The following CHST6 variants were observed in gnomAD, a reference collection of about 807,000 sequenced individuals.
The protein encoded by CHST6 is carbohydrate sulfotransferase 6.
For synonymous variants in CHST6, 309 were observed against 276.4 expected (o/e 1.12, Z -1.17); for missense variants, 698 against 586.2 (o/e 1.19, Z -1.97).
At chr16:75,480,788 G>T (rs2080132234) in intron 2 of CHST6, among the ~76,000 whole-genome samples, 1 of 151,694 alleles carries the variant, frequency 6.6e-6, no homozygotes, top group Admixed American at 6.6e-5. Flanking sequence ...AATTAGCCGG[G>T]CGTGGTAGCG....
rs1384982763 is a variant in CHST6 at position 75,488,475 on chromosome 16, G to GA, written c.-92+6464dup. Among the ~76,000 whole-genome samples, 346 of 86,496 alleles carry GA rather than the reference G, an allele frequency of 4.0e-3. 1 individual carries two copies. The highest frequency in any genetic ancestry group is 0.011 in the Middle Eastern group (1 of 88). The allele number at this position is 86,496 out of a possible 152,430, so 56.7% of individuals were successfully genotyped here. ...CAAGAGCAAAGCCCCGTCACAAGGAGAAAAAAAAAAAAAAAAGAATCCCAA... is the reference window on the plus strand; with the variant it reads ...CAAGAGCAAAGCCCCGTCACAAGGAGAAAAAAAAAAAAAAAAAGAATCCCAA... On this transcript the variant is annotated intron_variant, in intron 1 of 2. Transcript: ENST00000332272.
Position 75,478,900 on chromosome 16 carries a change from G to A in CHST6, c.929C>T (p.Ser310Phe), listed in dbSNP as rs1311647359. The change falls in exon 3 of 3, where the codon TCT becomes TTT. Residue 310 changes from serine to phenylalanine, a missense_variant. Coordinates refer to ENST00000332272, the MANE Select transcript of CHST6 (RefSeq NM_021615.5). The part of the protein sequence containing the change: ...EAWIHNITHG[S>F]GPGARREAFK... ...GGCTTCGCGGCGCGCACCAGGTCCA[G>A]ATCCGTGGGTGATGTTATGGATCCA... The A allele has an allele frequency of 3.1e-6, 5 of 1,613,158 alleles. No homozygotes were observed. In the African/African-American group the frequency reaches 5.3e-5, roughly 17 times the overall value.
At chr16:75,490,534 C>A in intron 1 of CHST6, 1 of 151,924 alleles carries the variant, frequency 6.6e-6, no homozygotes, top group Non-Finnish European at 1.5e-5. Context: ...GCAAATTAAA[C>A]CACAGTGACA....
intron 1 of CHST6, among the ~76,000 whole-genome samples, chr16:75,484,909 T>C (rs2080179582): frequency 6.6e-6 from 1 of 152,086 alleles, no homozygotes; most frequent in Admixed American, 6.6e-5. Context: ...TCATGTTTCA[T>C]ATGTGAAGAC....
At chr16:75,484,860 A>G (rs1168614002) in intron 1 of CHST6, among the ~76,000 whole-genome samples, 2 of 152,038 alleles carry the variant, frequency 1.3e-5, no homozygotes, top group Non-Finnish European at 2.9e-5. Context: ...AAAACAAACA[A>G]ACAAAAAAAC....
At chr16:75,484,445 G>C (rs8047287) in intron 1 of CHST6, among the ~76,000 whole-genome samples, 4,076 of 152,318 alleles carry the variant, frequency 0.027, 191 homozygotes, top group African/African-American at 0.089. Flanking sequence ...CCTTTGTCCA[G>C]TGCCCTTTCC....
At chr16:75,486,588 G>T (rs1402893488) in intron 1 of CHST6, among the ~76,000 whole-genome samples, 2 of 152,166 alleles carry the variant, frequency 1.3e-5, no homozygotes, top group Non-Finnish European at 2.9e-5. Context: ...CTGGAGTTTT[G>T]TTGATCACAA....
chr16:75,491,221 A>AAAT (rs1567416198), intron 1 of CHST6, among the ~76,000 whole-genome samples: 94 of 134,200 alleles, frequency 7.0e-4, no homozygotes, highest in African/African-American at 2.6e-3. Context: ...ATATATATAA[A>AAAT]ATATAATATA....
At chr16:75,484,883 T>G (rs1435769602) in intron 1 of CHST6, among the ~76,000 whole-genome samples, 1 of 152,020 alleles carries the variant, frequency 6.6e-6, no homozygotes, top group Non-Finnish European at 1.5e-5. Context: ...AAGGTAAAGA[T>G]GAGGGCATTG....
intron 1 of CHST6, among the ~76,000 whole-genome samples, chr16:75,489,475 T>C (rs867446843): frequency 3.3e-5 from 5 of 150,024 alleles, no homozygotes; most frequent in Admixed American, 2.0e-4. Flanking sequence ...TGAGTCAGAG[T>C]TGGAAGTCTA....
chr16:75,487,623 C>A (rs1481382897), intron 1 of CHST6, among the ~76,000 whole-genome samples: 2 of 151,918 alleles, frequency 1.3e-5, no homozygotes, highest in Non-Finnish European at 1.5e-5. Context: ...CACAGTGAAA[C>A]CCTGTCTCTA....
Position 75,474,635 on chromosome 16 carries a change from A to G in CHST6, c.*4006T>C, listed in dbSNP as rs1412953731. On this transcript the variant is annotated 3_prime_UTR_variant, in exon 3 of 3. Transcript: ENST00000332272. ...TACAGTTCTGGAGGCTGGGAAGCCC[A>G]AGATCAAGGAGCCAGCATCTAGCGA... The G allele has an allele frequency of 1.5e-5, 6 of 398,880 alleles. No homozygotes were observed. The highest frequency in any genetic ancestry group is 1.0e-4 in the African/African-American group (5 of 48,640). 24.7% of individuals were successfully genotyped at this position (398,880 alleles called of 1,614,324 possible).
intron 1 of CHST6, among the ~76,000 whole-genome samples, chr16:75,494,216 G>C (rs1242137803): frequency 6.6e-6 from 1 of 152,152 alleles, no homozygotes; most frequent in Non-Finnish European, 1.5e-5. Flanking sequence ...GTGTGACTTA[G>C]AGCAAGTCAC....
rs1006015937 is a variant in CHST6, at chr16:75,493,063, C to T, written c.-92+1877G>A. ...CAATCTTGTTCATGTATTTCTGGAC[C>T]CATTTCCCCGCCCAAGACACTAGAA... On this transcript the variant is annotated intron_variant, in intron 1 of 2. Transcript: ENST00000332272. Among the ~76,000 whole-genome samples, 9 of 152,048 alleles carry T rather than the reference C, an allele frequency of 5.9e-5. No individual in the cohort carries two copies. In the South Asian group the frequency reaches 1.5e-3, roughly 25 times the overall value.
At chr16:75,481,757 G>A (rs777308766) in intron 2 of CHST6, 60 bp downstream of exon 2, 1 of 467,572 alleles carries the variant, frequency 2.1e-6, no homozygotes, top group Non-Finnish European at 4.3e-6. Flanking sequence ...AGCTGGGATG[G>A]AGCCAGAGAA....
chr16:75,479,994 T>A, intron 2 of CHST6, 150 bp from the exon 3 acceptor site: 1 of 689,312 alleles, frequency 1.5e-6, no homozygotes, highest in Non-Finnish European at 2.4e-6. Flanking sequence ...CCCGGAAATG[T>A]GGCCTTAAGA....
chr16:75,491,312 G>A (rs1025589904), intron 1 of CHST6, among the ~76,000 whole-genome samples: 1 of 147,900 alleles, frequency 6.8e-6, no homozygotes, highest in Non-Finnish European at 1.5e-5. Context: ...ACAAAGTATG[G>A]GAGATGCACA....
chr16:75,487,093 G>C (rs966656895), intron 1 of CHST6, among the ~76,000 whole-genome samples: 1 of 152,212 alleles, frequency 6.6e-6, no homozygotes, highest in African/African-American at 2.4e-5. Flanking sequence ...ATTGCACTCA[G>C]ATACTCTGTG....
intron 1 of CHST6, among the ~76,000 whole-genome samples, chr16:75,489,488 A>G (rs1057206720): frequency 2.6e-5 from 4 of 151,992 alleles, no homozygotes; most frequent in Non-Finnish European, 5.9e-5. Context: ...GAAGTCTAGC[A>G]GTGTAACCTT....
Sources: allele counts gnomAD v4.1 joint callset (sites outside exome capture counted in the v4.1 genomes callset), GRCh38; gene constraint gnomAD v4.1.1; transcripts MANE v1.5; gene names NCBI Gene and HGNC (gene_info 2026-07-23, HGNC 2026-07-21).